Variants in PCDHA1 observed in about 807,000 individuals in gnomAD.
PCDHA1 encodes protocadherin alpha 1, also known as protocadherin alpha-1.
Under a neutral mutation model 61.3 loss-of-function variants are expected in PCDHA1, and 42 were observed. The observed-to-expected ratio is 0.69, with a 90% confidence interval of 0.54 to 0.89. The LOEUF (loss-of-function observed/expected upper bound fraction) is 0.89, where lower values mean the gene tolerates loss of function less well. PCDHA1 is among the 40% of genes least tolerant of loss of function. The probability of loss-of-function intolerance (pLI) is 0.00; values close to 1 mark genes in which losing one functional copy is unlikely to be tolerated. For synonymous variants in PCDHA1, 610 were observed against 553.8 expected, an observed-to-expected ratio of 1.10 and a Z score of -1.43; for missense variants, 1,256 against 1,235.3, an observed-to-expected ratio of 1.02 and a Z score of -0.25.
rs190155701 is a variant in PCDHA1, at chr5:140,878,924, A to G, written c.2394+90240A>G. Among the ~76,000 whole-genome samples, 11 of 152,344 alleles carry G rather than the reference A, an allele frequency of 7.2e-5. No homozygotes were observed. The East Asian group carries it at 2.1e-3, about 29-fold the overall frequency. ...GCTCCACCACTCCCAGCTTCAATCA[A>G]TAATTTTAAATAAATATATGGTATT... On this transcript the variant is annotated intron_variant, in intron 1 of 3. Transcript: ENST00000504120.
At chr5:140,836,969 C>T (rs2150271753) in intron 1 of PCDHA1, 9 of 381,928 alleles carry the variant, frequency 2.4e-5, no homozygotes, top group Non-Finnish European at 3.7e-5. Flanking sequence ...TGGCTACTCT[C>T]CATTTTTGGA....
chr5:140,967,745 G>A, intron 1 of PCDHA1: 1 of 1,614,184 alleles, frequency 6.2e-7, no homozygotes, highest in Non-Finnish European at 8.5e-7. Flanking sequence ...GGATTATGAG[G>A]AAGCCTCCTC....
Position 140,978,933 on chromosome 5 carries a change from CTT to C in PCDHA1, c.2395-14_2395-13del, listed in dbSNP as rs1179085898. On this transcript the variant is annotated splice_polypyrimidine_tract_variant and intron_variant, in intron 1 of 3. Coordinates refer to ENST00000504120, the MANE Select transcript of PCDHA1 (RefSeq NM_018900.4). The stretch of plus-strand genomic sequence containing the variant: ...TCTTGTCATTTTAACAGAAAACTCT[CTT>C]TGTGATTTTGCAGCCACGACAGCCC... 1.2e-6 allele frequency: 2 copies of C among 1,613,976 alleles called. No individual in the cohort carries two copies. The highest frequency in any genetic ancestry group is 2.7e-5 in the African/African-American group (2 of 74,920).
chr5:140,808,850 G>A (rs1377582762), intron 1 of PCDHA1: 4 of 1,613,128 alleles, frequency 2.5e-6, no homozygotes, highest in South Asian at 1.1e-5. Context: ...GCAGGTGTTC[G>A]TGCTGGACGA....
chr5:140,981,498 T>C (rs1299157295), intron 2 of PCDHA1, among the ~76,000 whole-genome samples: 1 of 152,146 alleles, frequency 6.6e-6, no homozygotes, highest in African/African-American at 2.4e-5. Context: ...TGCTTGAACC[T>C]GGGAGGCAGA....
chr5:140,916,092 A>T (rs1396935399), intron 1 of PCDHA1, among the ~76,000 whole-genome samples: 1 of 152,092 alleles, frequency 6.6e-6, no homozygotes, highest in Non-Finnish European at 1.5e-5. Flanking sequence ...GTCCACAGGG[A>T]ATCTGCCTGG....
chr5:140,975,120 C>T (rs2096654332), intron 1 of PCDHA1, among the ~76,000 whole-genome samples: 1 of 152,140 alleles, frequency 6.6e-6, no homozygotes, highest in African/African-American at 2.4e-5. Flanking sequence ...TGTTTTCCTA[C>T]TTACTATTGG....
At chr5:140,805,608 T>C in intron 1 of PCDHA1, 5 of 921,526 alleles carry the variant, frequency 5.4e-6, no homozygotes, top group Non-Finnish European at 6.5e-6. Context: ...ATTAAATTTC[T>C]TTATGTAAGA....
intron 1 of PCDHA1, chr5:140,797,571 C>T: frequency 1.5e-6 from 1 of 656,632 alleles, no homozygotes; most frequent in Non-Finnish European, 2.6e-6. Flanking sequence ...TTTGGCACTT[C>T]CATCATTAAG....
intron 1 of PCDHA1, chr5:140,863,472 T>C: frequency 2.0e-6 from 1 of 490,440 alleles, no homozygotes; most frequent in Non-Finnish European, 4.0e-6. Context: ...CTCTGGAGAG[T>C]CGCCTCCCAA....
Position 141,010,074 on chromosome 5 carries a change from G to C in PCDHA1, c.*137G>C. 6.2e-7 allele frequency: 1 copy of C among 1,607,844 alleles called. No homozygotes were observed. Among genetic ancestry groups the C allele is most frequent in the Non-Finnish European group, 8.5e-7 (1 of 1,176,754 alleles). On this transcript the variant is annotated 3_prime_UTR_variant, in exon 4 of 4. Transcript: ENST00000504120. ...CTCAGAAATCTGCAGAAAGTTCCCT[G>C]TGTCTGTCTAGAACGCATTTAACAG...
chr5:140,968,962 C>T (rs1554231271), intron 1 of PCDHA1: 29 of 1,614,056 alleles, frequency 1.8e-5, no homozygotes, highest in Non-Finnish European at 2.2e-5. Context: ...TCAAGTGCTA[C>T]CGCTACACTG....
chr5:140,848,456 A>T (rs2150410759), intron 1 of PCDHA1: 1 of 1,524,638 alleles, frequency 6.6e-7, no homozygotes, highest in South Asian at 1.2e-5. Flanking sequence ...TCTAATTTGG[A>T]GGCAATTTTC....
At chr5:140,966,756 G>A (rs1476318654) in intron 1 of PCDHA1, 9 of 1,437,232 alleles carry the variant, frequency 6.3e-6, no homozygotes, top group Non-Finnish European at 8.2e-6. Flanking sequence ...CCTCCGCCGC[G>A]GCCAGTGGCT....
At chr5:140,876,999 G>T (rs368334312) in intron 1 of PCDHA1, 2 of 1,612,546 alleles carry the variant, frequency 1.2e-6, no homozygotes, top group Non-Finnish European at 1.7e-6. Flanking sequence ...GCTACGTGTC[G>T]GTGCACGCGG....
chr5:140,894,375 T>A (rs1246573357), intron 1 of PCDHA1, among the ~76,000 whole-genome samples: 1 of 152,054 alleles, frequency 6.6e-6, no homozygotes, highest in African/African-American at 2.4e-5. Flanking sequence ...ATGGCTCCAA[T>A]TATATTTGTA....
Position 140,787,646 on chromosome 5 carries a change from G to A in PCDHA1, c.1356G>A (p.Ala452=), listed in dbSNP as rs1324578987. 2 of 1,614,032 alleles carry A rather than the reference G, an allele frequency of 1.2e-6. No individual in the cohort carries two copies. The highest frequency in any genetic ancestry group is 3.3e-5 in the Admixed American group (2 of 60,022). ...SVEVADVNDN[A]PAFAQPEYTV... ...AGGTGGCCGACGTGAATGACAACGC[G>A]CCTGCGTTCGCGCAGCCCGAGTACA... The change falls in exon 1 of 4, where the codon GCG becomes GCA. Residue 452 remains alanine (A), a synonymous_variant. Transcript: ENST00000504120.
At chr5:140,802,790 G>T (rs1763026014) in intron 1 of PCDHA1, 1 of 1,613,270 alleles carries the variant, frequency 6.2e-7, no homozygotes, top group African/African-American at 1.3e-5. Flanking sequence ...TAGAGCTGCT[G>T]CAGTTCCAGG....
At chr5:140,873,615 A>C (rs1487252868) in intron 1 of PCDHA1, among the ~76,000 whole-genome samples, 3 of 152,280 alleles carry the variant, frequency 2.0e-5, no homozygotes, top group African/African-American at 7.2e-5. Context: ...TTGGCTTAAC[A>C]ATTTGTTTAG....
Sources: gnomAD v4.1 joint callset for allele counts (sites outside exome capture counted in the v4.1 genomes callset) on GRCh38, gnomAD v4.1.1 for gene constraint, MANE v1.5 for transcripts, NCBI Gene and HGNC (gene_info 2026-07-23, HGNC 2026-07-21) for gene names.